HTR1F: variants seen among roughly 807,000 people sequenced by gnomAD.
The protein encoded by HTR1F is 5-hydroxytryptamine (serotonin) receptor 1F, G protein-coupled.
Under a neutral mutation model 24.0 loss-of-function variants are expected in HTR1F, and 17 were observed. The observed-to-expected ratio is 0.71, with a 90% confidence interval of 0.48 to 1.06. HTR1F has a LOEUF of 1.06. Among genes scored for constraint, HTR1F ranks in the 50% least tolerant of loss-of-function variants. The pLI, the probability that HTR1F is intolerant of heterozygous loss-of-function variation, is 0.00. For synonymous variants in HTR1F, 186 were observed against 156.8 expected (o/e 1.19, Z -1.39); for missense variants, 391 against 427.8 (o/e 0.91, Z 0.76).
At chr3:87,864,193 C>T (rs1705375052) in intron 2 of HTR1F, among the ~76,000 whole-genome samples, 1 of 152,080 alleles carries the variant, frequency 6.6e-6, no homozygotes, top group Non-Finnish European at 1.5e-5. Context: ...TCCTTAATTC[C>T]ATTTTTTCAT....
chr3:87,824,399 G>T (rs1325762433), intron 2 of HTR1F, among the ~76,000 whole-genome samples: 1 of 152,088 alleles, frequency 6.6e-6, no homozygotes, highest in East Asian at 1.9e-4. Context: ...AGTATTTCAA[G>T]CTTGTTTATG....
chr3:87,942,083 G>T (rs1450504942), intron 2 of HTR1F, among the ~76,000 whole-genome samples: 1 of 152,008 alleles, frequency 6.6e-6, no homozygotes, highest in East Asian at 1.9e-4. Flanking sequence ...TCCTCCTGTT[G>T]CCCAGACTTC....
intron 2 of HTR1F, among the ~76,000 whole-genome samples, chr3:87,896,058 G>A (rs1706190351): frequency 1.3e-5 from 2 of 152,180 alleles, no homozygotes; most frequent in South Asian, 2.1e-4. Flanking sequence ...AAATGGTTGT[G>A]AATCATTGAT....
intron 2 of HTR1F, among the ~76,000 whole-genome samples, chr3:87,924,317 G>A (rs550601029): frequency 6.6e-6 from 1 of 152,028 alleles, no homozygotes; most frequent in South Asian, 2.1e-4. Context: ...GGTTCTTATT[G>A]ATAGGTTAAG....
At chr3:87,971,406 A>T (rs1705283353) in intron 2 of HTR1F, among the ~76,000 whole-genome samples, 2 of 152,008 alleles carry the variant, frequency 1.3e-5, no homozygotes, top group Non-Finnish European at 2.9e-5. Context: ...CGTTTCTACA[A>T]AAATTAGCCA....
At position 87,945,035 on chromosome 3, in the gene HTR1F, G is replaced by GT. The variant is rs571341781; in HGVS notation, c.-42-45667dup. ...CACACTGGTTGTTTTGTTTTGTTTT[G>GT]TTTTTTACTATTTCTATCTTTTTCT... On this transcript the variant is annotated intron_variant, in intron 2 of 2. Transcript: ENST00000319595. Among the ~76,000 whole-genome samples, 138 of 151,968 alleles carry GT rather than the reference G, an allele frequency of 9.1e-4. 1 individual carries two copies. The highest frequency in any genetic ancestry group is 8.5e-3 in the South Asian group (41 of 4,802).
chr3:87,901,415 A>G (rs1482043733), intron 2 of HTR1F, among the ~76,000 whole-genome samples: 1 of 152,154 alleles, frequency 6.6e-6, no homozygotes, highest in African/African-American at 2.4e-5. Context: ...CTGCAAGCCA[A>G]GGAGAGAGCT....
At chr3:87,951,067 T>G (rs1181485581) in intron 2 of HTR1F, among the ~76,000 whole-genome samples, 4 of 152,096 alleles carry the variant, frequency 2.6e-5, no homozygotes, top group Non-Finnish European at 5.9e-5. Context: ...GCCTCCACTG[T>G]CTCAAATTTC....
intron 2 of HTR1F, among the ~76,000 whole-genome samples, chr3:87,920,090 T>C (rs1703981147): frequency 6.7e-6 from 1 of 149,838 alleles, no homozygotes; most frequent in Admixed American, 6.7e-5. Context: ...ATGAATTAAC[T>C]GCATTTACAG....
At chr3:87,878,440 A>G (rs1402389980) in intron 2 of HTR1F, among the ~76,000 whole-genome samples, 1 of 152,240 alleles carries the variant, frequency 6.6e-6, no homozygotes, top group Non-Finnish European at 1.5e-5. Context: ...CCAGCAGGAC[A>G]GAGATAGAAT....
chr3:87,965,098 G>A (rs1705136219), intron 2 of HTR1F, among the ~76,000 whole-genome samples: 1 of 152,158 alleles, frequency 6.6e-6, no homozygotes, highest in African/African-American at 2.4e-5. Flanking sequence ...AAATTATCCA[G>A]TCTCAGCTAT....
chr3:87,982,793 A>G (rs1283414537), intron 2 of HTR1F, among the ~76,000 whole-genome samples: 1 of 152,140 alleles, frequency 6.6e-6, no homozygotes, highest in Admixed American at 6.5e-5. Context: ...ATCTTTTTGA[A>G]TAGGGGTGTC....
chr3:87,964,108 A>G (rs1452663840), intron 2 of HTR1F, among the ~76,000 whole-genome samples: 2 of 152,008 alleles, frequency 1.3e-5, no homozygotes, highest in Non-Finnish European at 2.9e-5. Flanking sequence ...TTTTTCCCTA[A>G]ATTGGCTGCC....
intron 2 of HTR1F, among the ~76,000 whole-genome samples, chr3:87,980,044 C>T (rs1173104389): frequency 6.6e-6 from 1 of 152,200 alleles, no homozygotes; most frequent in Non-Finnish European, 1.5e-5. Context: ...CCTCATTGCC[C>T]ACACTGTGGC....
chr3:87,852,963 T>A (rs1297220985), intron 2 of HTR1F, among the ~76,000 whole-genome samples: 1 of 139,848 alleles, frequency 7.2e-6, no homozygotes, highest in African/African-American at 3.1e-5. Context: ...AACATTGTAG[T>A]GGCTGTTTTT....
chr3:87,946,625 ATAT>A (rs1486306458), intron 2 of HTR1F, among the ~76,000 whole-genome samples: 151 of 109,580 alleles, frequency 1.4e-3, no homozygotes, highest in Admixed American at 3.4e-3. Flanking sequence ...ATATATATAT[ATAT>A]TTTTTTTTTT....
chr3:87,987,706 T>TTA (rs999713915), intron 2 of HTR1F, among the ~76,000 whole-genome samples: 1 of 114,084 alleles, frequency 8.8e-6, no homozygotes, highest in Admixed American at 9.2e-5. Context: ...AATATATGTA[T>TTA]TATATATATG....
intron 2 of HTR1F, among the ~76,000 whole-genome samples, chr3:87,871,244 G>T (rs1476314070): frequency 1.3e-5 from 2 of 151,960 alleles, no homozygotes; most frequent in Non-Finnish European, 2.9e-5. Flanking sequence ...AAATTCTGGA[G>T]CTGAAGAATA....
At chr3:87,817,698 A>G (rs1442602915) in intron 1 of HTR1F, among the ~76,000 whole-genome samples, 1 of 152,194 alleles carries the variant, frequency 6.6e-6, no homozygotes, top group Non-Finnish European at 1.5e-5. Flanking sequence ...GTTGTGAGCA[A>G]TCTTTTAGAT....
Sources: allele counts gnomAD v4.1 joint callset (sites outside exome capture counted in the v4.1 genomes callset), GRCh38; gene constraint gnomAD v4.1.1; transcripts MANE v1.5; gene names NCBI Gene and HGNC (gene_info 2026-07-23, HGNC 2026-07-21).